Variants in COL6A6 observed in about 807,000 individuals in gnomAD.
COL6A6 encodes the protein collagen alpha-6(VI) chain.
A neutral mutation model predicts 208.6 loss-of-function variants in COL6A6; 183 were observed. The observed-to-expected ratio is 0.88, with a 90% CI of 0.78 to 0.99. COL6A6 has a LOEUF of 0.99. Among genes scored for constraint, COL6A6 ranks in the 50% least tolerant of loss-of-function variants. COL6A6 has a pLI of 0.00. For missense variants in COL6A6, 2,816 were observed against 2,815.2 expected, an observed-to-expected ratio of 1.00 and a Z score of -0.01; for synonymous variants, 973 against 1,011.8, an observed-to-expected ratio of 0.96 and a Z score of 0.73.
intron 32 of COL6A6, 131 bp from the exon 33 acceptor site, chr3:130,648,936 CAT>C: frequency 1.5e-6 from 1 of 685,554 alleles, no homozygotes. Flanking sequence ...ATATATTTTA[CAT>C]GTTTGTTTTA....
rs1387097423 is a variant in COL6A6 at position 130,567,191 on chromosome 3, A to G, written c.1772A>G (p.Tyr591Cys). 3 of 1,613,368 alleles carry G rather than the reference A, an allele frequency of 1.9e-6. No individual in the cohort carries two copies. The highest frequency in any genetic ancestry group is 1.3e-5 in the African/African-American group (1 of 74,936). The change falls in exon 5 of 37, where the codon TAT becomes TGT. Residue 591 changes from tyrosine to cysteine, a missense_variant. Tyr to Cys is a radical substitution (Grantham distance 194, BLOSUM62 -2). Transcript: ENST00000358511. ...REIAGEEKRVYYVHDFDALKD... is the reference protein window; with the variant it reads ...REIAGEEKRVCYVHDFDALKD... ...ATTGCAGGAGAGGAAAAGAGAGTGTATTACGTGCATGACTTTGATGCATTG... is the reference window on the plus strand; with the variant it reads ...ATTGCAGGAGAGGAAAAGAGAGTGTGTTACGTGCATGACTTTGATGCATTG...
intron 23 of COL6A6, among the ~76,000 whole-genome samples, chr3:130,617,455 G>A (rs986678574): frequency 6.6e-6 from 1 of 152,166 alleles, no homozygotes; most frequent in African/African-American, 2.4e-5. Flanking sequence ...TGCAGAAAGA[G>A]GATGGAACCA....
rs528723799 is a variant in COL6A6 at position 130,565,604 on chromosome 3, G to A, written c.1272G>A (p.Thr424=). The A allele has an allele frequency of 3.7e-6, 6 of 1,610,056 alleles. No individual in the cohort carries two copies. The highest frequency in any genetic ancestry group is 1.7e-4 in the Middle Eastern group (1 of 6,038). ...TVSVFSERTE[T]LKSGCVDTEE... is the part of the protein sequence containing the mutation. ...CTGTCTTTTCAGAGAGGACTGAAAC[G>A]CTCAAATCTGGTAAGGTCTTCTGCT... Residue 424 remains threonine (T), a synonymous_variant, in exon 4 of 37, where the codon ACG becomes ACA. Transcript: ENST00000358511.
At position 130,661,965 on chromosome 3, in the gene COL6A6, A is replaced by T. The variant is rs766199246; in HGVS notation, c.6159A>T (p.Lys2053Asn). The change falls in exon 35 of 37, where the codon AAA becomes AAT. Residue 2053 changes from lysine to asparagine, a missense_variant. Coordinates refer to ENST00000358511, the MANE Select transcript of COL6A6 (RefSeq NM_001102608.3). The stretch of plus-strand genomic sequence containing the variant: ...AGAGGCATGTGCACGAGTCAGTTAA[A>T]CAACTAAATGGAGATGCTTTTATTG... ...LMKRHVHESV[K>N]QLNGDAFIGH... The T allele has an allele frequency of 1.9e-6, 3 of 1,614,022 alleles. No individual in the cohort carries two copies. The highest frequency in any genetic ancestry group is 2.5e-6 in the Non-Finnish European group (3 of 1,179,892).
intron 23 of COL6A6, among the ~76,000 whole-genome samples, chr3:130,613,090 G>A (rs2064409885): frequency 6.6e-6 from 1 of 152,152 alleles, no homozygotes; most frequent in African/African-American, 2.4e-5. Flanking sequence ...TCCTTGCCAA[G>A]TCCTATGTCC....
chr3:130,537,526 A>G (rs995316565), intron 1 of COL6A6, among the ~76,000 whole-genome samples: 1 of 152,244 alleles, frequency 6.6e-6, no homozygotes, highest in Non-Finnish European at 1.5e-5. Flanking sequence ...CTAATAGAGA[A>G]AATCCATGCT....
chr3:130,554,678 A>G lies in COL6A6; in HGVS notation c.-31-5656A>G, dbSNP rs573366264. Among the ~76,000 whole-genome samples the G allele has an allele frequency of 3.3e-5, 5 of 152,298 alleles. No individual in the cohort carries two copies. In the South Asian group the frequency reaches 1.0e-3, roughly 32 times the overall value. On this transcript the variant is annotated intron_variant, in intron 1 of 36. Coordinates refer to ENST00000358511, the MANE Select transcript of COL6A6 (RefSeq NM_001102608.3). ...CACTCACACTGGCAGCAGTCACACC[A>G]TAAGGTGTACACATCCACCTGTGGA...
chr3:130,620,166 T>G (rs995252398), intron 23 of COL6A6, among the ~76,000 whole-genome samples: 10 of 152,132 alleles, frequency 6.6e-5, no homozygotes, highest in African/African-American at 2.4e-4. Flanking sequence ...CCTTTTAATA[T>G]ATGGCTCTGG....
intron 33 of COL6A6, among the ~76,000 whole-genome samples, chr3:130,657,399 T>G (rs1026805890): frequency 2.0e-5 from 3 of 152,276 alleles, no homozygotes; most frequent in South Asian, 4.1e-4. Context: ...CAGAGAGCTG[T>G]TCTTCACAAT....
chr3:130,528,111 T>A (rs1231233380), intron 1 of COL6A6, among the ~76,000 whole-genome samples: 2 of 152,054 alleles, frequency 1.3e-5, no homozygotes, highest in Non-Finnish European at 2.9e-5. Flanking sequence ...AATAAGATGC[T>A]ATGACAGAAA....
Position 130,564,481 on chromosome 3 carries a change from T to C in COL6A6, c.662-513T>C, listed in dbSNP as rs377104932. Among the ~76,000 whole-genome samples the C allele has an allele frequency of 2.0e-4, 31 of 152,358 alleles. 1 individual carries two copies. The South Asian group carries it at 6.4e-3, about 32-fold the overall frequency. On this transcript the variant is annotated intron_variant, in intron 3 of 36. Coordinates refer to ENST00000358511, the MANE Select transcript of COL6A6 (RefSeq NM_001102608.3). ...GATTAAATCAGTTTGAATGAGCTGA[T>C]ATATATACTTACCTATTGATAATAG...
At chr3:130,582,100 C>T (rs2063438673) in intron 10 of COL6A6, 32 bp downstream of exon 10, 2 of 1,312,510 alleles carry the variant, frequency 1.5e-6, no homozygotes, top group East Asian at 4.8e-5. Flanking sequence ...GAAGGGAGTG[C>T]TTATTAACTT....
intron 1 of COL6A6, among the ~76,000 whole-genome samples, chr3:130,529,874 A>C (rs1577608690): frequency 6.6e-6 from 1 of 152,162 alleles, no homozygotes; most frequent in East Asian, 1.9e-4. Flanking sequence ...GGGCTCAGTG[A>C]ATTTTTGAGG....
intron 29 of COL6A6, among the ~76,000 whole-genome samples, chr3:130,642,167 T>C (rs934527578): frequency 1.3e-5 from 2 of 152,110 alleles, no homozygotes; most frequent in African/African-American, 4.8e-5. Flanking sequence ...ACTCCTCTTC[T>C]TCTGAAGATG....
At chr3:130,639,369 A>G (rs1409146644) in intron 28 of COL6A6, among the ~76,000 whole-genome samples, 1 of 152,136 alleles carries the variant, frequency 6.6e-6, no homozygotes, top group Non-Finnish European at 1.5e-5. Context: ...GGAATGAGCT[A>G]TTTCTTCATA....
In COL6A6 at chr3:130,566,790, G is replaced by A. The variant is rs746754743; in HGVS notation, c.1371G>A (p.Thr457=). ...TQATDFHEMK[T]FLSEVVGMFN... ...CCACAGATTTCCATGAAATGAAGACGTTCCTGTCAGAGGTGGTAGGGATGT... is the reference window on the plus strand; with the variant it reads ...CCACAGATTTCCATGAAATGAAGACATTCCTGTCAGAGGTGGTAGGGATGT... Residue 457 remains threonine, a synonymous_variant, in exon 5 of 37, where the codon ACG becomes ACA. Coordinates refer to ENST00000358511, the MANE Select transcript of COL6A6 (RefSeq NM_001102608.3). The A allele has an allele frequency of 1.5e-5, 24 of 1,613,884 alleles. No homozygotes were observed. The highest frequency in any genetic ancestry group is 2.7e-5 in the African/African-American group (2 of 74,922).
intron 4 of COL6A6, 24 bp downstream of exon 4, chr3:130,565,638 G>T (rs1167116576): frequency 1.9e-6 from 3 of 1,575,724 alleles, no homozygotes; most frequent in Non-Finnish European, 2.6e-6. Context: ...CTGAAAGAAG[G>T]GTTGTTTGGA....
In COL6A6 at chr3:130,649,302, C is replaced by G. The variant is rs774522834; in HGVS notation, c.5473C>G (p.Leu1825Val). 1.2e-6 allele frequency: 2 copies of G among 1,606,580 alleles called. No individual in the cohort carries two copies. The highest frequency in any genetic ancestry group is 1.7e-6 in the Non-Finnish European group (2 of 1,176,610). ...AGACGCCTACAAGAAGAGTCAACTT[C>G]TCAGAGAAATTGAAACTATTCCTTA... ...FSDAYKKSQL[L>V]REIETIPYER... The change falls in exon 33 of 37, where the codon CTC becomes GTC. Residue 1825 changes from leucine (L) to valine (V), a missense_variant. Coordinates refer to ENST00000358511, the MANE Select transcript of COL6A6 (RefSeq NM_001102608.3).
chr3:130,669,319 C>G (rs1272221887), intron 36 of COL6A6, among the ~76,000 whole-genome samples: 2 of 152,130 alleles, frequency 1.3e-5, no homozygotes, highest in African/African-American at 4.8e-5. Context: ...TGCTCCAACT[C>G]AGGAGGTAGA....
Sources: gnomAD v4.1 joint callset for allele counts (sites outside exome capture counted in the v4.1 genomes callset) on GRCh38, gnomAD v4.1.1 for gene constraint, MANE v1.5 for transcripts, NCBI Gene and HGNC (gene_info 2026-07-23, HGNC 2026-07-21) for gene names.